Variants in TMCC1 observed in about 807,000 individuals in gnomAD.
The protein encoded by TMCC1 is transmembrane and coiled-coil domains protein 1.
TMCC1 carries 15 observed loss-of-function variants against 52.4 expected under a neutral mutation model. The ratio of observed to expected loss-of-function variants is 0.29; its 90% CI spans 0.19 to 0.44. TMCC1 has a LOEUF of 0.44. TMCC1 is among the 20% of genes least tolerant of loss of function. TMCC1 has a pLI of 1.00. For synonymous variants in TMCC1, 279 were observed against 301.9 expected, an observed-to-expected ratio of 0.92 and a Z score of 0.79; for missense variants, 503 against 806.0, an observed-to-expected ratio of 0.62 and a Z score of 4.55.
chr3:129,727,124 A>G (rs900356709), intron 4 of TMCC1, among the ~76,000 whole-genome samples: 2 of 152,096 alleles, frequency 1.3e-5, no homozygotes, highest in Non-Finnish European at 2.9e-5. Context: ...GTATGAAAAC[A>G]ATGGAACAAA....
chr3:129,799,553 G>A (rs1191623635), intron 4 of TMCC1, among the ~76,000 whole-genome samples: 1 of 152,154 alleles, frequency 6.6e-6, no homozygotes, highest in Non-Finnish European at 1.5e-5. Context: ...GCTCACGCTT[G>A]TAGTCCCAGC....
chr3:129,832,388 AG>A (rs1178851056), intron 3 of TMCC1, among the ~76,000 whole-genome samples: 2 of 152,150 alleles, frequency 1.3e-5, no homozygotes, highest in Non-Finnish European at 2.9e-5. Flanking sequence ...AAGGAGCAAA[AG>A]GTGAGGAAGG....
At chr3:129,701,174 A>G (rs2047798445) in intron 4 of TMCC1, among the ~76,000 whole-genome samples, 1 of 152,226 alleles carries the variant, frequency 6.6e-6, no homozygotes, top group Non-Finnish European at 1.5e-5. Context: ...AAAGTGGCAA[A>G]AGATGGGAAA....
chr3:129,697,523 G>A (rs1394790342), intron 4 of TMCC1, among the ~76,000 whole-genome samples: 3 of 152,310 alleles, frequency 2.0e-5, no homozygotes, highest in Admixed American at 6.5e-5. Context: ...TTTCCCCATT[G>A]TCTTGGTGAT....
chr3:129,715,443 C>T (rs996783196), intron 4 of TMCC1, among the ~76,000 whole-genome samples: 10 of 152,130 alleles, frequency 6.6e-5, no homozygotes, highest in African/African-American at 2.4e-4. Context: ...ACCTGCAGTC[C>T]CAGCTACTTG....
At chr3:129,673,754 G>C (rs1258854037) in intron 4 of TMCC1, among the ~76,000 whole-genome samples, 1 of 152,028 alleles carries the variant, frequency 6.6e-6, no homozygotes, top group Non-Finnish European at 1.5e-5. Context: ...AGGAGGCTGA[G>C]GTGGGAGGAT....
chr3:129,668,569 A>G (rs892728325), intron 5 of TMCC1, among the ~76,000 whole-genome samples: 5 of 152,180 alleles, frequency 3.3e-5, no homozygotes, highest in African/African-American at 1.2e-4. Context: ...GTTCATTTGA[A>G]TATCTGTTAT....
chr3:129,871,365 C>CAAAAAAA (rs908333351), intron 2 of TMCC1, among the ~76,000 whole-genome samples: 11 of 49,820 alleles, frequency 2.2e-4, no homozygotes, highest in African/African-American at 3.0e-4. Context: ...GACGCTGTCT[C>CAAAAAAA]AAAAAAAAAA....
intron 4 of TMCC1, among the ~76,000 whole-genome samples, chr3:129,795,731 G>A (rs2107759981): frequency 6.6e-6 from 1 of 152,286 alleles, no homozygotes; most frequent in Middle Eastern, 3.4e-3. Context: ...GTTGTAAACT[G>A]CATGCCGTTC....
intron 2 of TMCC1, among the ~76,000 whole-genome samples, chr3:129,879,612 A>T (rs560194932): frequency 6.6e-6 from 1 of 152,222 alleles, no homozygotes; most frequent in Non-Finnish European, 1.5e-5. Flanking sequence ...AGTAATGATA[A>T]GCCCATTTTA....
chr3:129,760,241 G>A (rs1263606549), intron 4 of TMCC1, among the ~76,000 whole-genome samples: 1 of 151,912 alleles, frequency 6.6e-6, no homozygotes, highest in East Asian at 1.9e-4. Context: ...ACAGGGTCTT[G>A]TTCTGTCGCC....
intron 4 of TMCC1, among the ~76,000 whole-genome samples, chr3:129,800,779 C>T (rs542059589): frequency 2.4e-4 from 37 of 152,172 alleles, no homozygotes; most frequent in Middle Eastern, 6.8e-3. Context: ...CCATTCATTC[C>T]ATTACTATTT....
At chr3:129,749,123 C>T (rs1320401247) in intron 4 of TMCC1, among the ~76,000 whole-genome samples, 1 of 151,236 alleles carries the variant, frequency 6.6e-6, no homozygotes, top group African/African-American at 2.4e-5. Context: ...AACCACCCCC[C>T]ACCAAAAAAA....
chr3:129,771,838 A>C (rs974586796), intron 4 of TMCC1, among the ~76,000 whole-genome samples: 3 of 150,488 alleles, frequency 2.0e-5, no homozygotes, highest in Non-Finnish European at 4.4e-5. Context: ...TGTACTGGCA[A>C]AACGAATTTG....
intron 1 of TMCC1, among the ~76,000 whole-genome samples, chr3:129,892,152 T>C (rs1392297224): frequency 2.0e-5 from 3 of 152,246 alleles, no homozygotes; most frequent in Non-Finnish European, 4.4e-5. Flanking sequence ...CAGTTCTACA[T>C]CACATGCTAA....
intron 4 of TMCC1, among the ~76,000 whole-genome samples, chr3:129,772,322 T>C (rs973174921): frequency 6.6e-5 from 10 of 150,588 alleles, no homozygotes; most frequent in East Asian, 2.0e-4. Flanking sequence ...GTCTGGGCGA[T>C]AGAGTGGAGA....
intron 1 of TMCC1, among the ~76,000 whole-genome samples, chr3:129,885,179 T>G (rs958002626): frequency 2.6e-5 from 4 of 151,944 alleles, no homozygotes; most frequent in Non-Finnish European, 4.4e-5. Flanking sequence ...CAAAGAATGT[T>G]CCTTGTTTTC....
intron 4 of TMCC1, among the ~76,000 whole-genome samples, chr3:129,782,923 C>T (rs572756373): frequency 1.1e-4 from 17 of 152,190 alleles, no homozygotes; most frequent in African/African-American, 2.9e-4. Flanking sequence ...AAACACTCAG[C>T]GAATTTAGAA....
chr3:129,658,606 T>C (rs1039120277), intron 5 of TMCC1, among the ~76,000 whole-genome samples: 6 of 152,300 alleles, frequency 3.9e-5, no homozygotes, highest in Middle Eastern at 3.4e-3. Context: ...AGACCCAGTA[T>C]GAAGACAGCA....
Sources: gnomAD v4.1 joint callset for allele counts (sites outside exome capture counted in the v4.1 genomes callset) on GRCh38, gnomAD v4.1.1 for gene constraint, MANE v1.5 for transcripts, NCBI Gene and HGNC (gene_info 2026-07-23, HGNC 2026-07-21) for gene names.